The following L3MBTL4 variants were observed in gnomAD, a reference collection of about 807,000 sequenced individuals.
L3MBTL4 encodes the protein L3MBTL histone methyl-lysine binding protein 4.
In L3MBTL4, 70 loss-of-function variants were observed where a neutral mutation model predicts 84.5. The observed-to-expected ratio is 0.83, with a 90% CI of 0.68 to 1.01. The LOEUF (loss-of-function observed/expected upper bound fraction) is 1.01, where lower values mean the gene tolerates loss of function less well. Among genes scored for constraint, L3MBTL4 ranks in the 50% least tolerant of loss-of-function variants. L3MBTL4 has a pLI of 0.00. For synonymous variants in L3MBTL4, 274 were observed against 259.8 expected (o/e 1.05, Z -0.52); for missense variants, 715 against 754.8 (o/e 0.95, Z 0.62).
At chr18:6,008,962 T>A (rs9959352) in intron 16 of L3MBTL4, among the ~76,000 whole-genome samples, 1 of 151,924 alleles carries the variant, frequency 6.6e-6, no homozygotes, top group Non-Finnish European at 1.5e-5. Flanking sequence ...ACACTCTCAG[T>A]GGGATGGGAA....
At position 6,384,454 on chromosome 18, in the gene L3MBTL4, G is replaced by A. The variant is rs555967031; in HGVS notation, c.-91+30347C>T. 3.9e-5 allele frequency among the ~76,000 whole-genome samples: 6 copies of A among 152,236 alleles called. No homozygotes were observed. In the East Asian group the frequency reaches 5.8e-4, roughly 15 times the overall value. Reference sequence around the variant, plus strand: ...TAACGGGGTAGCCAGAGTATGGGGTGGAAGGCAGACACTTTTCTCTGTTGA... The same window carrying A: ...TAACGGGGTAGCCAGAGTATGGGGTAGAAGGCAGACACTTTTCTCTGTTGA... On this transcript the variant is annotated intron_variant, in intron 1 of 18. Coordinates refer to ENST00000317931, the MANE Select transcript of L3MBTL4 (RefSeq NM_001330559.2).
Position 6,362,157 on chromosome 18 carries a change from A to AG in L3MBTL4, c.-90-50102dup, listed in dbSNP as rs397970135. Among the ~76,000 whole-genome samples the AG allele has an allele frequency of 3.4e-3, 378 of 112,678 alleles. 5 individuals carry two copies. Among genetic ancestry groups the AG allele is most frequent in the African/African-American group, 0.013 (363 of 28,084 alleles). 73.9% of individuals were successfully genotyped at this position (112,678 alleles called of 152,430 possible). On this transcript the variant is annotated intron_variant, in intron 1 of 18. Transcript: ENST00000317931. Reference sequence around the variant, plus strand: ...GAGGAGAGGGGAGGGGAGGGGGGGAAGAGAAGGAAGGAAAGAAGAAAGGAA... The same window carrying AG: ...GAGGAGAGGGGAGGGGAGGGGGGGAAGGAGAAGGAAGGAAAGAAGAAAGGAA...
chr18:6,009,616 A>T (rs1460076873), intron 16 of L3MBTL4, among the ~76,000 whole-genome samples: 1 of 152,164 alleles, frequency 6.6e-6, no homozygotes, highest in Non-Finnish European at 1.5e-5. Context: ...CAACCTATGC[A>T]CACCCTCCCG....
chr18:5,965,266 C>T lies in L3MBTL4; in HGVS notation c.1614+4127G>A, dbSNP rs923283885. On this transcript the variant is annotated intron_variant, in intron 17 of 18. Transcript: ENST00000317931. ...AAAGGAGTTAAGAGGCAGCTCACAG[C>T]TCTGTGGAGTGTTACAAAGGCCCTG... 3.3e-5 allele frequency among the ~76,000 whole-genome samples: 5 copies of T among 152,212 alleles called. No individual in the cohort carries two copies. The East Asian group carries it at 9.6e-4, about 29-fold the overall frequency.
intron 12 of L3MBTL4, among the ~76,000 whole-genome samples, chr18:6,183,773 C>T (rs1366952047): frequency 3.3e-5 from 5 of 152,106 alleles, no homozygotes; most frequent in East Asian, 1.9e-4. Context: ...TTACAGTAGG[C>T]GGACTCCAGG....
intron 12 of L3MBTL4, among the ~76,000 whole-genome samples, chr18:6,176,053 T>C (rs1024372507): frequency 5.3e-5 from 8 of 152,112 alleles, no homozygotes; most frequent in African/African-American, 9.7e-5. Context: ...TAAAAGATGA[T>C]CCCACACAAG....
intron 16 of L3MBTL4, among the ~76,000 whole-genome samples, chr18:6,026,841 C>T (rs988616748): frequency 6.6e-6 from 1 of 151,986 alleles, no homozygotes; most frequent in Non-Finnish European, 1.5e-5. Context: ...AAATGGCTTA[C>T]CAAAGGTCAC....
chr18:6,186,155 G>C (rs749517388), intron 12 of L3MBTL4, among the ~76,000 whole-genome samples: 2 of 151,930 alleles, frequency 1.3e-5, no homozygotes, highest in Non-Finnish European at 2.9e-5. Flanking sequence ...CGGGACTACA[G>C]GTGCCCACCA....
At chr18:6,125,580 C>T (rs1027690894) in intron 14 of L3MBTL4, among the ~76,000 whole-genome samples, 2 of 152,088 alleles carry the variant, frequency 1.3e-5, no homozygotes, top group Admixed American at 1.3e-4. Flanking sequence ...AGGCACACAC[C>T]ACCACACCCC....
chr18:6,110,983 AC>A (rs1251737002), intron 14 of L3MBTL4, among the ~76,000 whole-genome samples: 1 of 146,896 alleles, frequency 6.8e-6, no homozygotes, highest in East Asian at 2.0e-4. Context: ...CCTTCCTCCC[AC>A]CCCCCAGGTC....
intron 4 of L3MBTL4, among the ~76,000 whole-genome samples, chr18:6,294,555 C>T (rs567155374): frequency 6.6e-6 from 1 of 152,280 alleles, no homozygotes; most frequent in African/African-American, 2.4e-5. Context: ...GCAAAACCCA[C>T]AGGAAGGAAG....
At chr18:6,149,713 T>A (rs2042809639) in intron 13 of L3MBTL4, among the ~76,000 whole-genome samples, 1 of 152,178 alleles carries the variant, frequency 6.6e-6, no homozygotes, top group African/African-American at 2.4e-5. Flanking sequence ...ACTTTTTAAC[T>A]TTATTTTGCC....
intron 1 of L3MBTL4, among the ~76,000 whole-genome samples, chr18:6,379,463 T>C (rs1046262533): frequency 1.3e-5 from 2 of 152,226 alleles, no homozygotes; most frequent in Non-Finnish European, 2.9e-5. Context: ...TTGTCATACA[T>C]AGCTCTTATT....
intron 5 of L3MBTL4, among the ~76,000 whole-genome samples, chr18:6,249,648 C>T (rs1002947853): frequency 2.6e-5 from 4 of 152,164 alleles, no homozygotes; most frequent in African/African-American, 9.7e-5. Context: ...TCATCAGTCT[C>T]TCTTCTCTGT....
rs528989715 is a variant in L3MBTL4, at chr18:6,350,916, G to T, written c.-90-38860C>A. On this transcript the variant is annotated intron_variant, in intron 1 of 18. Transcript: ENST00000317931. ...CTTAAAAAATGAAATTCTAGGCCAG[G>T]CACAGTGGCTCATGCCTGAAATCCC... Among the ~76,000 whole-genome samples the T allele has an allele frequency of 2.6e-5, 4 of 152,150 alleles. No homozygotes were observed. In the South Asian group the frequency reaches 6.2e-4, roughly 24 times the overall value.
At chr18:5,976,944 T>C (rs2052963136) in intron 16 of L3MBTL4, among the ~76,000 whole-genome samples, 1 of 152,150 alleles carries the variant, frequency 6.6e-6, no homozygotes, top group African/African-American at 2.4e-5. Context: ...TCTTGTGTCC[T>C]GGCAGGGAGG....
intron 5 of L3MBTL4, among the ~76,000 whole-genome samples, chr18:6,263,609 C>A (rs2048503578): frequency 6.6e-6 from 1 of 152,188 alleles, no homozygotes; most frequent in African/African-American, 2.4e-5. Context: ...CTTTCTTGAG[C>A]ATTTATAGTA....
At chr18:6,227,265 G>A (rs150578226) in intron 10 of L3MBTL4, among the ~76,000 whole-genome samples, 3 of 152,186 alleles carry the variant, frequency 2.0e-5, no homozygotes, top group Admixed American at 6.5e-5. Context: ...CAGAAGACAT[G>A]AACAACACTC....
At chr18:6,311,513 A>T in intron 3 of L3MBTL4, 41 bp downstream of exon 3, 1 of 1,550,404 alleles carries the variant, frequency 6.4e-7, no homozygotes, top group Non-Finnish European at 8.9e-7. Context: ...TTTGGTAGCG[A>T]TCACACACTG....
Sources: gnomAD v4.1 joint callset for allele counts (sites outside exome capture counted in the v4.1 genomes callset) on GRCh38, gnomAD v4.1.1 for gene constraint, MANE v1.5 for transcripts, NCBI Gene and HGNC (gene_info 2026-07-23, HGNC 2026-07-21) for gene names.